Variants in ZNF292 observed in about 807,000 individuals in gnomAD.
ZNF292 encodes zinc finger protein 292.
In ZNF292, 26 loss-of-function variants were observed where a neutral mutation model predicts 217.9. The ratio of observed to expected loss-of-function variants is 0.12; its 90% CI spans 0.09 to 0.17. The LOEUF (loss-of-function observed/expected upper bound fraction) is 0.17, where lower values mean the gene tolerates loss of function less well. ZNF292 is among the 10% of genes least tolerant of loss of function. The pLI, the probability that ZNF292 is intolerant of heterozygous loss-of-function variation, is 1.00. For missense variants in ZNF292, 2,904 were observed against 3,175.2 expected (o/e 0.91, Z 2.05); for synonymous variants, 1,257 against 1,124.1 (o/e 1.12, Z -2.37).
chr6:87,247,085 G>GTGGAGGTTACAGTGAGC (rs1316025329), intron 7 of ZNF292, among the ~76,000 whole-genome samples: 1 of 151,638 alleles, frequency 6.6e-6, no homozygotes, highest in Non-Finnish European at 1.5e-5. Flanking sequence ...AGCCCAGGAG[G>GTGGAGGTTACAGTGAGC]TGGAGGTTAC....
intron 7 of ZNF292, among the ~76,000 whole-genome samples, chr6:87,246,169 T>G (rs1774570654): frequency 6.6e-6 from 1 of 152,296 alleles, no homozygotes; most frequent in African/African-American, 2.4e-5. Context: ...AGGCGGAGAT[T>G]GCAGTGAGCT....
chr6:87,191,958 G>A (rs1258980338), intron 1 of ZNF292, among the ~76,000 whole-genome samples: 2 of 152,144 alleles, frequency 1.3e-5, no homozygotes, highest in African/African-American at 4.8e-5. Flanking sequence ...CACCATGCCT[G>A]GCACTTTTAA....
At chr6:87,232,383 G>C (rs1035423510) in intron 4 of ZNF292, among the ~76,000 whole-genome samples, 2 of 152,086 alleles carry the variant, frequency 1.3e-5, no homozygotes, top group Non-Finnish European at 2.9e-5. Context: ...CTTTCAGTCT[G>C]TTAACAAGCA....
chr6:87,160,662 TAC>T (rs1265013157), intron 1 of ZNF292, among the ~76,000 whole-genome samples: 2 of 134,986 alleles, frequency 1.5e-5, no homozygotes, highest in Non-Finnish European at 3.1e-5. Flanking sequence ...TGTGTATATA[TAC>T]ATATATATGA....
chr6:87,166,039 G>A (rs1770902248), intron 1 of ZNF292, among the ~76,000 whole-genome samples: 1 of 152,060 alleles, frequency 6.6e-6, no homozygotes, highest in Non-Finnish European at 1.5e-5. Flanking sequence ...ATTACAGGCG[G>A]GAGCCCTGTC....
chr6:87,218,626 A>G lies in ZNF292; in HGVS notation c.433A>G (p.Ser145Gly). The G allele has an allele frequency of 6.4e-7, 1 of 1,568,266 alleles. No homozygotes were observed. Residue 145 changes from serine to glycine, a missense_variant, in exon 4 of 8, where the codon AGC (serine) becomes GGC (glycine). Around this residue, in one of 15 missense-constraint regions of ZNF292, gnomAD observed 313 missense variants for 451.0 expected, o/e 0.69. Transcript: ENST00000369577. ...TCATGAAAAGCTGATGGAGAATGGC[A>G]GCTGTGAATTGCATTTTTTAGCTAC... Reference protein sequence around the residue: ...VAHEKLMENGSCELHFLATLA... With the variant: ...VAHEKLMENGGCELHFLATLA...
rs1472545530 is a variant in ZNF292, at chr6:87,257,028, G to T, written c.3399G>T (p.Gln1133His). The T allele has an allele frequency of 6.2e-7, 1 of 1,613,584 alleles. No homozygotes were observed. Among genetic ancestry groups the T allele is most frequent in the Non-Finnish European group, 8.5e-7 (1 of 1,179,802 alleles). ...ACCAATATGCTGCATTTAAAATGCAGCGCAAAAGTAAAAAAGGTCAGAAAG... is the reference window on the plus strand; with the variant it reads ...ACCAATATGCTGCATTTAAAATGCATCGCAAAAGTAAAAAAGGTCAGAAAG... ...HPDQYAAFKM[Q>H]RKSKKGQKAN... Residue 1133 changes from glutamine (Q) to histidine (H), a missense_variant, in exon 8 of 8, where the codon CAG (glutamine) becomes CAT (histidine). Gln to His is a conservative substitution (Grantham distance 24). This residue lies in a region of ZNF292 where 687 missense variants were observed against 623.0 expected (regional missense o/e 1.10). Coordinates refer to ENST00000369577, the MANE Select transcript of ZNF292 (RefSeq NM_015021.3).
intron 7 of ZNF292, 75 bp from the exon 8 acceptor site, chr6:87,254,575 C>G: frequency 7.2e-7 from 1 of 1,392,496 alleles, no homozygotes; most frequent in Non-Finnish European, 9.8e-7. Flanking sequence ...AAATCTCAAT[C>G]TTAACTAAAT....
chr6:87,245,906 G>A (rs1171047436), intron 7 of ZNF292, among the ~76,000 whole-genome samples: 3 of 152,144 alleles, frequency 2.0e-5, no homozygotes, highest in Non-Finnish European at 2.9e-5. Context: ...TTGGTTCTAG[G>A]GGTTATACTA....
rs1242666519 is a variant in ZNF292, at chr6:87,264,178, A to G, written c.*2377A>G. The G allele has an allele frequency of 6.6e-6, 1 of 152,176 alleles. No homozygotes were observed. 9.4% of individuals were successfully genotyped at this position (152,176 alleles called of 1,614,324 possible). A position where few individuals can be genotyped will look rare whatever the true frequency, so the allele number is the denominator to read the frequency against. On this transcript the variant is annotated 3_prime_UTR_variant, in exon 8 of 8. Transcript: ENST00000369577. ...TGTCTAAGTATTAAAAAATCATAAA[A>G]TATATTTTTTTCATGGTATACTTTT...
At chr6:87,214,109 T>G (rs1407995264) in intron 1 of ZNF292, among the ~76,000 whole-genome samples, 1 of 152,182 alleles carries the variant, frequency 6.6e-6, no homozygotes, top group Non-Finnish European at 1.5e-5. Context: ...AATAGTGACA[T>G]GATTAGGCAA....
Position 87,262,113 on chromosome 6 carries a change from C to T in ZNF292, c.*312C>T. 5.3e-6 allele frequency: 1 copy of T among 190,364 alleles called. No homozygotes were observed. Among genetic ancestry groups the T allele is most frequent in the Non-Finnish European group, 1.1e-5 (1 of 92,042 alleles). 11.8% of individuals were successfully genotyped at this position (190,364 alleles called of 1,614,324 possible). ...GTGATTGGTATGTTTCACCAGGTCA[C>T]TGCTCATGTATAACAGTACTCTTTA... On this transcript the variant is annotated 3_prime_UTR_variant, in exon 8 of 8. Transcript: ENST00000369577.
intron 1 of ZNF292, 107 bp downstream of exon 1, chr6:87,155,866 G>C (rs2127765958): frequency 1.5e-6 from 2 of 1,367,368 alleles, no homozygotes; most frequent in Non-Finnish European, 1.9e-6. Flanking sequence ...GGCATCATCG[G>C]CGCCTCCGCC....
rs79544277 is a variant in ZNF292, at chr6:87,252,151, G to T, written c.1021-2499G>T. Among the ~76,000 whole-genome samples, 109 of 145,328 alleles carry T rather than the reference G, an allele frequency of 7.5e-4. No individual in the cohort carries two copies. The South Asian group carries it at 9.5e-3, about 13-fold the overall frequency. The stretch of plus-strand genomic sequence containing the variant: ...TCTGTTTGTTGTTTGTTTTTTTTTT[G>T]TTTTTTGTGTTTTTTTTGAGACGTT... On this transcript the variant is annotated intron_variant, in intron 7 of 7. Coordinates refer to ENST00000369577, the MANE Select transcript of ZNF292 (RefSeq NM_015021.3).
At chr6:87,212,690 G>T (rs1352248187) in intron 1 of ZNF292, among the ~76,000 whole-genome samples, 1 of 152,152 alleles carries the variant, frequency 6.6e-6, no homozygotes, top group Non-Finnish European at 1.5e-5. Flanking sequence ...TTGCATCATT[G>T]AATTCCAAAT....
chr6:87,208,159 C>T (rs1220468178), intron 1 of ZNF292, among the ~76,000 whole-genome samples: 1 of 152,142 alleles, frequency 6.6e-6, no homozygotes, highest in African/African-American at 2.4e-5. Context: ...AGTCTGCTGC[C>T]TCTTCCCCCA....
chr6:87,259,142 A>G lies in ZNF292; in HGVS notation c.5513A>G (p.Gln1838Arg). Reference sequence around the variant, plus strand: ...GTATCACATAAGGAGGATCAAATACAGGAAATTTTAGAAGGCTTACAGAAA... The same window carrying G: ...GTATCACATAAGGAGGATCAAATACGGGAAATTTTAGAAGGCTTACAGAAA... ...SEVSHKEDQI[Q>R]EILEGLQKLK... Residue 1838 changes from glutamine to arginine, a missense_variant, in exon 8 of 8, where the codon CAG (glutamine) becomes CGG (arginine). Around this residue, in one of 15 missense-constraint regions of ZNF292, gnomAD observed 622 missense variants for 573.1 expected, o/e 1.09. Transcript: ENST00000369577. 6.2e-7 allele frequency: 1 copy of G among 1,613,442 alleles called. No homozygotes were observed. Among genetic ancestry groups the G allele is most frequent in the Non-Finnish European group, 8.5e-7 (1 of 1,179,666 alleles).
At position 87,230,735 on chromosome 6, in the gene ZNF292, A is replaced by C. The variant is rs974345807; in HGVS notation, c.539-2590A>C. 5.5e-5 allele frequency among the ~76,000 whole-genome samples: 8 copies of C among 144,162 alleles called. No homozygotes were observed. The East Asian group carries it at 1.6e-3, about 28-fold the overall frequency. 94.6% of individuals were successfully genotyped at this position (144,162 alleles called of 152,430 possible). Reference sequence around the variant, plus strand: ...GGTGACAGAGAGAGACTCCGTCTTAAAAAAAAAAAAAAAGAAAGTGACATA... The same window carrying C: ...GGTGACAGAGAGAGACTCCGTCTTACAAAAAAAAAAAAAGAAAGTGACATA... On this transcript the variant is annotated intron_variant, in intron 4 of 7. Transcript: ENST00000369577.
chr6:87,168,645 T>C (rs1268346008), intron 1 of ZNF292, among the ~76,000 whole-genome samples: 1 of 152,132 alleles, frequency 6.6e-6, no homozygotes, highest in African/African-American at 2.4e-5. Context: ...AATTTTTCTA[T>C]TTTTAGTGGA....
Sources: allele counts gnomAD v4.1 joint callset (sites outside exome capture counted in the v4.1 genomes callset), GRCh38; gene constraint gnomAD v4.1.1; regional missense constraint gnomAD v4.1.1; transcripts MANE v1.5; gene names NCBI Gene and HGNC (gene_info 2026-07-23, HGNC 2026-07-21).